The following TRANK1 variants were observed in gnomAD, a reference collection of about 807,000 sequenced individuals.
The protein encoded by TRANK1 is TPR and ankyrin repeat-containing protein 1.
In TRANK1, 198 loss-of-function variants were observed where a neutral mutation model predicts 266.0. The observed-to-expected ratio is 0.74, with a 90% CI of 0.66 to 0.84. TRANK1 has a LOEUF of 0.84. TRANK1 is among the 40% of genes least tolerant of loss of function. The pLI is 0.00. For synonymous variants in TRANK1, 1,396 were observed against 1,384.1 expected (o/e 1.01, Z -0.19); for missense variants, 3,326 against 3,634.6 (o/e 0.92, Z 2.18).
At chr3:36,914,762 C>A (rs922945933) in intron 1 of TRANK1, among the ~76,000 whole-genome samples, 10 of 150,966 alleles carry the variant, frequency 6.6e-5, no homozygotes, top group Non-Finnish European at 1.5e-4. Flanking sequence ...CTTAGCTTCC[C>A]TAGTAGCTGC....
At chr3:36,906,334 A>G (rs2079967890) in intron 2 of TRANK1, among the ~76,000 whole-genome samples, 1 of 152,180 alleles carries the variant, frequency 6.6e-6, no homozygotes, top group Non-Finnish European at 1.5e-5. Context: ...AGATGCCAAC[A>G]TCTGCTCGCT....
At chr3:36,932,186 T>C (rs1270754866) in intron 1 of TRANK1, among the ~76,000 whole-genome samples, 34 of 152,248 alleles carry the variant, frequency 2.2e-4, no homozygotes. Flanking sequence ...CGAAAGGCAC[T>C]GAAAATACTT....
Position 36,834,812 on chromosome 3 carries a change from T to C in TRANK1, c.5613A>G (p.Lys1871=), listed in dbSNP as rs201486000. 6.8e-6 allele frequency: 11 copies of C among 1,613,784 alleles called. No individual in the cohort carries two copies. Among genetic ancestry groups the C allele is most frequent in the Non-Finnish European group, 6.8e-6 (8 of 1,179,846 alleles). ...CAAAAAGCTCCTCTTGGCAGTACAT[T>C]TTGAGTGCTAGATCAAATTCCTGAA... is the stretch of plus-strand genomic sequence containing the variant. ...EQIQEFDLAL[K]MYCQEELFEE... is the part of the protein sequence containing the mutation. The change falls in exon 21 of 24, where the codon AAA becomes AAG. Residue 1871 remains lysine, a synonymous_variant. Transcript: ENST00000645898.
At chr3:36,854,029 A>G (rs945283760) in intron 13 of TRANK1, among the ~76,000 whole-genome samples, 4 of 152,230 alleles carry the variant, frequency 2.6e-5, no homozygotes, top group African/African-American at 4.8e-5. Context: ...GTGAACCTCA[A>G]TGAATGCACT....
intron 1 of TRANK1, among the ~76,000 whole-genome samples, chr3:36,916,958 G>A (rs2080135202): frequency 6.6e-6 from 1 of 152,006 alleles, no homozygotes. Flanking sequence ...TGGGATTACA[G>A]ATGTACACCA....
At chr3:36,847,585 C>A (rs2078932947) in intron 15 of TRANK1, among the ~76,000 whole-genome samples, 1 of 152,170 alleles carries the variant, frequency 6.6e-6, no homozygotes, top group South Asian at 2.1e-4. Context: ...AGAAGCCAGG[C>A]ACACATGACC....
intron 10 of TRANK1, among the ~76,000 whole-genome samples, chr3:36,863,009 G>GA (rs549408134): frequency 4.7e-5 from 7 of 149,968 alleles, no homozygotes; most frequent in East Asian, 1.9e-4. Flanking sequence ...ATACAAAGAG[G>GA]AAAAAAAAAG....
intron 8 of TRANK1, among the ~76,000 whole-genome samples, chr3:36,886,126 GTTGTT>G (rs1238979679): frequency 8.5e-6 from 1 of 117,792 alleles, no homozygotes; most frequent in East Asian, 2.8e-4. Context: ...TTTTGTTGTT[GTTGTT>G]TTTTTTTTTT....
rs372678634 is a variant in TRANK1 at position 36,846,309 on chromosome 3, G to A, written c.5130C>T (p.Pro1710=). The A allele has an allele frequency of 1.5e-5, 25 of 1,613,118 alleles. No homozygotes were observed. The highest frequency in any genetic ancestry group is 6.7e-5 in the Admixed American group (4 of 59,898). ...IFDENREKRA[P]AFKYFIRRDF... ...CTCTTCTAATGAAATATTTGAATGC[G>A]GGAGCCCGTTTCTCTCGGTTTTCAT... The change falls in exon 17 of 24, where the codon CCC becomes CCT. Residue 1710 remains proline, a synonymous_variant. Coordinates refer to ENST00000645898, the MANE Select transcript of TRANK1 (RefSeq NM_001329998.2).
intron 15 of TRANK1, 155 bp downstream of exon 15, chr3:36,851,564 C>T: frequency 2.5e-6 from 3 of 1,217,804 alleles, no homozygotes; most frequent in East Asian, 2.7e-5. Context: ...CACATCTAAA[C>T]ACACAAAACC....
At chr3:36,869,330 C>T (rs2079272301) in intron 9 of TRANK1, among the ~76,000 whole-genome samples, 1 of 152,194 alleles carries the variant, frequency 6.6e-6, no homozygotes, top group Admixed American at 6.5e-5. Flanking sequence ...GCAGCCCCAT[C>T]CTAAGAGATA....
At chr3:36,939,994 G>A (rs577375569) in intron 1 of TRANK1, among the ~76,000 whole-genome samples, 9 of 151,882 alleles carry the variant, frequency 5.9e-5, no homozygotes, top group South Asian at 2.1e-4. Context: ...GGGTTCAAGC[G>A]ATTCTCCTGC....
At chr3:36,924,132 A>C (rs2080255756) in intron 1 of TRANK1, among the ~76,000 whole-genome samples, 1 of 151,382 alleles carries the variant, frequency 6.6e-6, no homozygotes. Context: ...TCCCTTACCC[A>C]CTCCCTCTCC....
At position 36,915,657 on chromosome 3, in the gene TRANK1, T is replaced by A. The variant is rs188380553; in HGVS notation, c.24-7203A>T. ...AGAAGTTTACTGTCTGTTAGGGAGA[T>A]GAACATTAAGTACATCAATAATCAC... On this transcript the variant is annotated intron_variant, in intron 1 of 23. Transcript: ENST00000645898. 4.6e-5 allele frequency among the ~76,000 whole-genome samples: 7 copies of A among 152,284 alleles called. No homozygotes were observed. In the East Asian group the frequency reaches 1.3e-3, roughly 29 times the overall value.
At chr3:36,907,854 A>C (rs2079995767) in intron 2 of TRANK1, among the ~76,000 whole-genome samples, 1 of 152,212 alleles carries the variant, frequency 6.6e-6, no homozygotes, top group African/African-American at 2.4e-5. Context: ...TAAACAGAAG[A>C]AGCTCTTTAG....
intron 5 of TRANK1, among the ~76,000 whole-genome samples, chr3:36,893,546 T>C (rs1380028284): frequency 6.6e-6 from 1 of 152,196 alleles, no homozygotes; most frequent in Non-Finnish European, 1.5e-5. Flanking sequence ...TGAGAGTATT[T>C]ATACTACCAA....
At position 36,869,526 on chromosome 3, in the gene TRANK1, C is replaced by T. The variant is rs562635397; in HGVS notation, c.1078+4600G>A. On this transcript the variant is annotated intron_variant, in intron 9 of 23. Transcript: ENST00000645898. ...ACAAATGTTAGGCACAGATACAGCT[C>T]CCTAGCGGCAGCTCTTCCTAAAGAC... 5.3e-5 allele frequency among the ~76,000 whole-genome samples: 8 copies of T among 152,332 alleles called. 1 individual carries two copies. Among genetic ancestry groups the T allele is most frequent in the Non-Finnish European group, 1.2e-4 (8 of 68,030 alleles).
At chr3:36,895,128 C>T (rs2079769474) in intron 5 of TRANK1, among the ~76,000 whole-genome samples, 1 of 152,168 alleles carries the variant, frequency 6.6e-6, no homozygotes. Context: ...GATTCTGATT[C>T]AAGGACACAT....
chr3:36,870,977 A>C (rs1393474008), intron 9 of TRANK1, among the ~76,000 whole-genome samples: 1 of 151,592 alleles, frequency 6.6e-6, no homozygotes, highest in African/African-American at 2.4e-5. Flanking sequence ...AAAAAAAAAA[A>C]AAAAAAAAAA....
Sources: gnomAD v4.1 joint callset for allele counts (sites outside exome capture counted in the v4.1 genomes callset) on GRCh38, gnomAD v4.1.1 for gene constraint, MANE v1.5 for transcripts, NCBI Gene and HGNC (gene_info 2026-07-23, HGNC 2026-07-21) for gene names.